Variants in BTBD1 observed in about 807,000 individuals in gnomAD.
The protein encoded by BTBD1 is BTB/POZ domain-containing protein 1.
In BTBD1, 34 loss-of-function variants were observed where a neutral mutation model predicts 48.0. That is an observed-to-expected ratio of 0.71 (90% confidence interval 0.54 to 0.94). BTBD1 has a LOEUF of 0.94. BTBD1 is among the 40% of genes least tolerant of loss of function. The pLI, the probability that BTBD1 is intolerant of heterozygous loss-of-function variation, is 0.00. For synonymous variants in BTBD1, 261 were observed against 242.1 expected (o/e 1.08, Z -0.72); for missense variants, 543 against 625.6 (o/e 0.87, Z 1.41).
chr15:83,018,688 C>A lies in BTBD1; in HGVS notation c.1290+19G>T. 1 of 1,611,048 alleles carries A rather than the reference C, an allele frequency of 6.2e-7. No homozygotes were observed. On this transcript the variant is annotated intron_variant, in intron 7 of 7. Coordinates refer to ENST00000261721, the MANE Select transcript of BTBD1 (RefSeq NM_025238.4). ...ACATTCAAGAGGAAACCATCTGGAA[C>A]ATAGTGCATGACTCTTACTTTGAGT...
intron 5 of BTBD1, among the ~76,000 whole-genome samples, chr15:83,021,836 G>A (rs559793330): frequency 2.8e-4 from 43 of 151,972 alleles, no homozygotes; most frequent in African/African-American, 1.0e-3. Flanking sequence ...AAATTACATT[G>A]AGTAACTCTC....
intron 2 of BTBD1, among the ~76,000 whole-genome samples, chr15:83,053,954 T>C (rs138016823): frequency 4.8e-4 from 73 of 152,360 alleles, no homozygotes; most frequent in African/African-American, 1.6e-3. Context: ...ACTATCGATT[T>C]TAGGTGAGAC....
intron 3 of BTBD1, among the ~76,000 whole-genome samples, chr15:83,046,895 G>C (rs1284725208): frequency 6.6e-6 from 1 of 152,194 alleles, no homozygotes; most frequent in East Asian, 1.9e-4. Context: ...CAAGTATCAT[G>C]GACGAGGGTG....
intron 1 of BTBD1, among the ~76,000 whole-genome samples, chr15:83,057,432 G>C (rs967740192): frequency 4.6e-5 from 7 of 152,054 alleles, no homozygotes; most frequent in African/African-American, 7.2e-5. Context: ...TTTGAATAAC[G>C]CCTGACAAAA....
chr15:83,055,918 A>G (rs181250772), intron 2 of BTBD1, among the ~76,000 whole-genome samples: 33 of 152,240 alleles, frequency 2.2e-4, no homozygotes, highest in African/African-American at 7.7e-4. Context: ...CTTCACCTAT[A>G]TGATTCAGCA....
At chr15:83,049,688 C>T (rs888144148) in intron 3 of BTBD1, among the ~76,000 whole-genome samples, 2 of 152,016 alleles carry the variant, frequency 1.3e-5, no homozygotes, top group African/African-American at 4.8e-5. Context: ...TATTTCATCA[C>T]CCAGGTATTA....
At chr15:83,041,086 A>G (rs538415199) in intron 4 of BTBD1, among the ~76,000 whole-genome samples, 1 of 148,070 alleles carries the variant, frequency 6.8e-6, no homozygotes, top group East Asian at 2.0e-4. Flanking sequence ...TGGGAGGTGG[A>G]GGCTTCAGTG....
chr15:83,027,718 G>T (rs2151301579), intron 5 of BTBD1, among the ~76,000 whole-genome samples: 1 of 152,358 alleles, frequency 6.6e-6, no homozygotes, highest in Non-Finnish European at 1.5e-5. Flanking sequence ...GGCAAGTTCA[G>T]AAATAGACAC....
intron 1 of BTBD1, chr15:83,061,460 C>T (rs969859726): frequency 2.6e-5 from 4 of 152,182 alleles, no homozygotes; most frequent in African/African-American, 9.7e-5. Flanking sequence ...AGAAATCATA[C>T]TTTCTTGTGT....
Position 83,067,028 on chromosome 15 carries a change from G to A in BTBD1, c.124C>T (p.Arg42Trp). The A allele has an allele frequency of 6.3e-7, 1 of 1,581,986 alleles. No individual in the cohort carries two copies. Among genetic ancestry groups the A allele is most frequent in the Non-Finnish European group, 8.6e-7 (1 of 1,166,560 alleles). The change falls in exon 1 of 8, where the codon CGG becomes TGG. Residue 42 changes from arginine (R) to tryptophan (W), a missense_variant. By Grantham distance (101) the Arg-to-Trp change is moderately radical. Around this residue, in one of 3 missense-constraint regions of BTBD1, gnomAD observed 173 missense variants for 163.9 expected, o/e 1.06. Transcript: ENST00000261721. ...GCCTGCCAGTTGTAGAGAGGTTCCC[G>A]CTGCAGGGGGAGCAGGGGCCCCAGA... ...SSLGPLLPLQ[R>W]EPLYNWQATK...
chr15:83,044,718 T>G, intron 3 of BTBD1: 1 of 1,465,904 alleles, frequency 6.8e-7, no homozygotes, highest in South Asian at 1.1e-5. Flanking sequence ...ATTAGTGGTG[T>G]ACTGTGTCAT....
chr15:83,053,936 C>A (rs1212509884), intron 2 of BTBD1, among the ~76,000 whole-genome samples: 2 of 152,238 alleles, frequency 1.3e-5, no homozygotes, highest in Non-Finnish European at 2.9e-5. Flanking sequence ...TATCACTAAA[C>A]CTTCACAACT....
intron 7 of BTBD1, 115 bp downstream of exon 7, chr15:83,018,592 C>A: frequency 8.4e-7 from 1 of 1,195,298 alleles, no homozygotes; most frequent in Non-Finnish European, 1.1e-6. Flanking sequence ...TAGCTCCCAG[C>A]TTCTTTTCCC....
At chr15:83,045,269 G>A (rs1005982135) in intron 3 of BTBD1, among the ~76,000 whole-genome samples, 2 of 152,136 alleles carry the variant, frequency 1.3e-5, no homozygotes, top group Admixed American at 1.3e-4. Flanking sequence ...GCCGAGGAGA[G>A]TGATCACCTG....
intron 5 of BTBD1, among the ~76,000 whole-genome samples, chr15:83,021,063 C>A (rs946694946): frequency 6.6e-6 from 1 of 152,080 alleles, no homozygotes; most frequent in Admixed American, 6.6e-5. Context: ...TTTTCATGAA[C>A]GCAGACATCT....
intron 5 of BTBD1, among the ~76,000 whole-genome samples, chr15:83,026,519 T>C (rs1194368777): frequency 2.9e-4 from 6 of 21,046 alleles, no homozygotes; most frequent in African/African-American, 1.2e-3. Context: ...TTTTAGTGCT[T>C]TTTTTTTTTT....
chr15:83,033,097 C>T (rs1227122600), intron 4 of BTBD1, among the ~76,000 whole-genome samples: 3 of 151,924 alleles, frequency 2.0e-5, no homozygotes, highest in Non-Finnish European at 4.4e-5. Context: ...CAGCAGTGTG[C>T]CCCTCTAGTC....
chr15:83,041,639 G>C, intron 4 of BTBD1, 89 bp downstream of exon 4: 1 of 1,224,736 alleles, frequency 8.2e-7, no homozygotes, highest in South Asian at 1.3e-5. Context: ...TCTCGAAAGT[G>C]CTGGGATTAT....
At chr15:83,039,510 T>C (rs1038738843) in intron 4 of BTBD1, among the ~76,000 whole-genome samples, 32 of 152,118 alleles carry the variant, frequency 2.1e-4, no homozygotes, top group Non-Finnish European at 8.8e-5. Flanking sequence ...CAGTGGCTCA[T>C]GTCTGTAATC....
Sources: allele counts gnomAD v4.1 joint callset (sites outside exome capture counted in the v4.1 genomes callset), GRCh38; gene constraint gnomAD v4.1.1; regional missense constraint gnomAD v4.1.1; transcripts MANE v1.5; gene names NCBI Gene and HGNC (gene_info 2026-07-23, HGNC 2026-07-21).